Variants in GRHL2 observed in about 807,000 individuals in gnomAD.
The protein encoded by GRHL2 is grainyhead-like protein 2 homolog.
In GRHL2, 21 loss-of-function variants were observed where a neutral mutation model predicts 83.8. The ratio of observed to expected loss-of-function variants is 0.25; its 90% confidence interval spans 0.18 to 0.36. The LOEUF is 0.36. Among genes scored for constraint, GRHL2 ranks in the 10% least tolerant of loss-of-function variants. The pLI is 1.00. For synonymous variants in GRHL2, 280 were observed against 278.9 expected (o/e 1.00, Z -0.04); for missense variants, 623 against 781.8 (o/e 0.80, Z 2.42).
intron 1 of GRHL2, among the ~76,000 whole-genome samples, chr8:101,519,617 T>C (rs1399154089): frequency 1.3e-5 from 2 of 150,402 alleles, no homozygotes; most frequent in East Asian, 3.9e-4. Flanking sequence ...TTGTCTGGAA[T>C]TTATTTAAAT....
rs1414443504 is a variant in GRHL2, at chr8:101,632,236, G to A, written c.1356G>A (p.Gly452=). The stretch of plus-strand genomic sequence containing the variant: ...TGTGATCCCATCCAGCCTCTGATGG[G>A]AAGTTGGCTGCCATACCTTTACAGA... ...SQTQCNSSSD[G]KLAAIPLQKK... Residue 452 remains glycine (G), a synonymous_variant, in exon 11 of 16, where the codon GGG becomes GGA. Coordinates refer to ENST00000646743, the MANE Select transcript of GRHL2 (RefSeq NM_024915.4). 6 of 1,614,006 alleles carry A rather than the reference G, an allele frequency of 3.7e-6. No individual in the cohort carries two copies. The highest frequency in any genetic ancestry group is 2.2e-5 in the East Asian group (1 of 44,880).
At chr8:101,523,993 G>C (rs1810750657) in intron 1 of GRHL2, among the ~76,000 whole-genome samples, 2 of 152,104 alleles carry the variant, frequency 1.3e-5, no homozygotes, top group African/African-American at 4.8e-5. Context: ...CCACCATTTG[G>C]ATTTGTCTTA....
intron 15 of GRHL2, among the ~76,000 whole-genome samples, chr8:101,666,336 C>T (rs1814056706): frequency 6.6e-6 from 1 of 152,136 alleles, no homozygotes; most frequent in East Asian, 1.9e-4. Flanking sequence ...CCTCAGTTTA[C>T]TCATCTATAA....
rs71276995 is a variant in GRHL2, at chr8:101,669,254, C to CTTTTTTTTTTTTTTTTTTTT, written c.*2563_*2564insTTTTTTTTTTTTTTTTTTTT. ...GGACATGTGAAATGAGCATTTTTTT[C>CTTTTTTTTTTTTTTTTTTTT]TTTTTTTTTTTTAACAAAGTCTGAA... On this transcript the variant is annotated 3_prime_UTR_variant, in exon 16 of 16. Coordinates refer to ENST00000646743, the MANE Select transcript of GRHL2 (RefSeq NM_024915.4). 1.6e-5 allele frequency: 2 copies of CTTTTTTTTTTTTTTTTTTTT among 126,624 alleles called. No homozygotes were observed. The highest frequency in any genetic ancestry group is 3.3e-5 in the Non-Finnish European group (2 of 61,468). 7.8% of individuals were successfully genotyped at this position (126,624 alleles called of 1,614,324 possible).
At chr8:101,516,193 A>C (rs952810552) in intron 1 of GRHL2, among the ~76,000 whole-genome samples, 1 of 152,194 alleles carries the variant, frequency 6.6e-6, no homozygotes, top group East Asian at 1.9e-4. Context: ...GTGGTTGACA[A>C]CTGACAACCA....
chr8:101,668,630 C>A lies in GRHL2; in HGVS notation c.*1927C>A, dbSNP rs1446064975. On this transcript the variant is annotated 3_prime_UTR_variant, in exon 16 of 16. Transcript: ENST00000646743. ...TCCACTCTGACTGCCACGCCCCGGA[C>A]CAGCAGCTTGGGGACCCTCCAGGGT... is the stretch of plus-strand genomic sequence containing the variant. The A allele has an allele frequency of 6.5e-6, 1 of 153,052 alleles. No homozygotes were observed. Among genetic ancestry groups the A allele is most frequent in the Non-Finnish European group, 1.5e-5 (1 of 68,540 alleles). The allele number at this position is 153,052 out of a possible 1,614,324, so 9.5% of individuals were successfully genotyped here.
chr8:101,525,134 G>C (rs907481908), intron 1 of GRHL2, among the ~76,000 whole-genome samples: 1 of 152,048 alleles, frequency 6.6e-6, no homozygotes, highest in African/African-American at 2.4e-5. Context: ...GTAGAGACAG[G>C]GTTTCATCAT....
chr8:101,623,042 C>T (rs10090010), intron 9 of GRHL2, among the ~76,000 whole-genome samples: 14,485 of 152,252 alleles, frequency 0.095, 730 homozygotes, highest in South Asian at 0.14. Flanking sequence ...AAAGGTGCTG[C>T]AGTCAGTTGT....
At chr8:101,584,111 T>C (rs1400967104) in intron 7 of GRHL2, among the ~76,000 whole-genome samples, 1 of 152,270 alleles carries the variant, frequency 6.6e-6, no homozygotes, top group Non-Finnish European at 1.5e-5. Context: ...AACTGTATGC[T>C]CTTTATTCAA....
chr8:101,637,844 T>C (rs1314936355), intron 12 of GRHL2, among the ~76,000 whole-genome samples: 1 of 152,208 alleles, frequency 6.6e-6, no homozygotes, highest in East Asian at 1.9e-4. Flanking sequence ...ATAAGTCTCA[T>C]CTTCCCTCGT....
At chr8:101,531,686 CCTT>C (rs1467664016) in intron 1 of GRHL2, among the ~76,000 whole-genome samples, 1 of 151,942 alleles carries the variant, frequency 6.6e-6, no homozygotes, top group Non-Finnish European at 1.5e-5. Context: ...ATTGTTATAT[CCTT>C]CTCATTGTTT....
chr8:101,557,227 T>A (rs1168662865), intron 3 of GRHL2, among the ~76,000 whole-genome samples: 20 of 147,412 alleles, frequency 1.4e-4, no homozygotes, highest in African/African-American at 4.9e-4. Context: ...AACAATACTT[T>A]TTTTTTTTTT....
chr8:101,596,964 A>G (rs539831160), intron 7 of GRHL2, among the ~76,000 whole-genome samples: 9 of 152,354 alleles, frequency 5.9e-5, no homozygotes, highest in Admixed American at 1.3e-4. Flanking sequence ...AGCAGTTTCC[A>G]TAAGGAGACA....
intron 12 of GRHL2, among the ~76,000 whole-genome samples, chr8:101,640,324 C>A (rs2129651027): frequency 6.6e-6 from 1 of 151,580 alleles, no homozygotes; most frequent in Non-Finnish European, 1.5e-5. Flanking sequence ...TTTTTTAAAT[C>A]ATAGCTATTG....
At chr8:101,650,810 A>C (rs1029700353) in intron 14 of GRHL2, among the ~76,000 whole-genome samples, 1 of 144,988 alleles carries the variant, frequency 6.9e-6, no homozygotes, top group Non-Finnish European at 1.5e-5. Flanking sequence ...TGTGATATCT[A>C]TCTATCTATC....
chr8:101,565,716 G>T (rs1811703114), intron 4 of GRHL2, among the ~76,000 whole-genome samples: 1 of 152,170 alleles, frequency 6.6e-6, no homozygotes, highest in African/African-American at 2.4e-5. Context: ...CTAGCCACCT[G>T]ATCAACATAA....
rs1011387601 is a variant in GRHL2 at position 101,570,394 on chromosome 8, G to C, written c.734G>C (p.Ser245Thr). 1 of 1,613,166 alleles carries C rather than the reference G, an allele frequency of 6.2e-7. No homozygotes were observed. The highest frequency in any genetic ancestry group is 8.5e-7 in the Non-Finnish European group (1 of 1,179,140). ...AEEYMYDQTS[S>T]GTFQYTLEAT... is the part of the protein sequence containing the mutation. Reference sequence around the variant, plus strand: ...GAGTACATGTATGATCAGACATCAAGGTGAGTTACCAGGAGATGCATCCTT... The same window carrying C: ...GAGTACATGTATGATCAGACATCAACGTGAGTTACCAGGAGATGCATCCTT... The change falls in exon 5 of 16, where the codon AGT (serine) becomes ACT (threonine). Residue 245 changes from serine to threonine, a missense_variant and splice_region_variant. Ser to Thr is a moderately conservative substitution (Grantham distance 58). Coordinates refer to ENST00000646743, the MANE Select transcript of GRHL2 (RefSeq NM_024915.4).
intron 4 of GRHL2, among the ~76,000 whole-genome samples, chr8:101,567,233 A>G (rs1202566079): frequency 4.6e-5 from 7 of 152,230 alleles, no homozygotes; most frequent in African/African-American, 1.4e-4. Flanking sequence ...TCTATCAAGT[A>G]TATGTTAGCA....
chr8:101,584,724 A>G (rs2130265388), intron 7 of GRHL2, among the ~76,000 whole-genome samples: 1 of 152,180 alleles, frequency 6.6e-6, no homozygotes, highest in East Asian at 1.9e-4. Flanking sequence ...GAAAAGTGGG[A>G]GGGTGGAGAT....
Sources: allele counts gnomAD v4.1 joint callset (sites outside exome capture counted in the v4.1 genomes callset), GRCh38; gene constraint gnomAD v4.1.1; transcripts MANE v1.5; gene names NCBI Gene and HGNC (gene_info 2026-07-23, HGNC 2026-07-21).